The following DST variants were observed in gnomAD, a reference collection of about 807,000 sequenced individuals.
DST encodes dystonin, also known as bullous pemphigoid antigen.
A neutral mutation model predicts 875.2 loss-of-function variants in DST; 253 were observed. The ratio of observed to expected loss-of-function variants is 0.29; its 90% CI spans 0.26 to 0.32. The LOEUF (loss-of-function observed/expected upper bound fraction) is 0.32. Among genes scored for constraint, DST ranks in the 10% least tolerant of loss-of-function variants. DST has a pLI of 1.00. For missense variants in DST, 8,287 were observed against 9,111.6 expected, an observed-to-expected ratio of 0.91 and a Z score of 3.68; for synonymous variants, 3,124 against 3,197.1, an observed-to-expected ratio of 0.98 and a Z score of 0.77.
Position 56,611,609 on chromosome 6 carries a change from G to A in DST, c.5059-13C>T, listed in dbSNP as rs750367329. 1 of 1,560,988 alleles carries A rather than the reference G, an allele frequency of 6.4e-7. No individual in the cohort carries two copies. Reference sequence around the variant, plus strand: ...CCTCACTGGAAATCTGTAAGGTAAAGAAGGCACATTCAAACTCTTCCTCCA... The same window carrying A: ...CCTCACTGGAAATCTGTAAGGTAAAAAAGGCACATTCAAACTCTTCCTCCA... On this transcript the variant is annotated splice_polypyrimidine_tract_variant and intron_variant, in intron 37 of 103. Transcript: ENST00000680361.
intron 4 of DST, among the ~76,000 whole-genome samples, chr6:56,809,486 TATG>T (rs1324075521): frequency 5.2e-5 from 8 of 152,382 alleles, no homozygotes; most frequent in African/African-American, 1.7e-4. Flanking sequence ...ATTGCCATCT[TATG>T]ATGATTATAT....
At chr6:56,729,337 T>A (rs1351645290) in intron 5 of DST, among the ~76,000 whole-genome samples, 3 of 152,202 alleles carry the variant, frequency 2.0e-5, no homozygotes, top group African/African-American at 7.2e-5. Flanking sequence ...ACGCCTGTAA[T>A]CCCAGCAGTT....
intron 7 of DST, among the ~76,000 whole-genome samples, chr6:56,703,086 C>T (rs1194194120): frequency 2.0e-5 from 3 of 152,160 alleles, no homozygotes; most frequent in Non-Finnish European, 2.9e-5. Flanking sequence ...GGAGATTAAA[C>T]AGCTCTGTGA....
intron 36 of DST, chr6:56,615,133 G>A (rs575239641): frequency 9.4e-7 from 1 of 1,064,812 alleles, no homozygotes; most frequent in South Asian, 3.1e-5. Context: ...GGTGCTTCAT[G>A]ACGTGCTCTT....
intron 4 of DST, among the ~76,000 whole-genome samples, chr6:56,786,725 G>A (rs370004386): frequency 3.3e-5 from 5 of 152,164 alleles, no homozygotes; most frequent in African/African-American, 1.2e-4. Flanking sequence ...AAGAAACAAG[G>A]TTTCACATGT....
chr6:56,584,461 T>C (rs944453906), intron 49 of DST, among the ~76,000 whole-genome samples: 3 of 151,166 alleles, frequency 2.0e-5, no homozygotes, highest in Admixed American at 1.3e-4. Flanking sequence ...GAGACTTTGC[T>C]GAAGTTGCCT....
intron 36 of DST, chr6:56,619,971 C>A: frequency 6.2e-7 from 1 of 1,614,056 alleles, no homozygotes; most frequent in Non-Finnish European, 8.5e-7. Flanking sequence ...TTGTCATGTT[C>A]TTGCTGGAGA....
At chr6:56,862,904 T>C (rs1772004610) in intron 3 of DST, among the ~76,000 whole-genome samples, 1 of 152,102 alleles carries the variant, frequency 6.6e-6, no homozygotes, top group Non-Finnish European at 1.5e-5. Context: ...AGACAGAGAA[T>C]AGCAGTAGGA....
In DST at chr6:56,606,190, T is replaced by C; in HGVS notation, c.8438A>G (p.Asp2813Gly). Residue 2813 changes from aspartate to glycine, a missense_variant, in exon 40 of 104, where the codon GAT becomes GGT. Asp to Gly is a moderately conservative substitution (Grantham distance 94). Transcript: ENST00000680361. ...DQDDDDDDGI[D>G]EEGGGIRDEN... The stretch of plus-strand genomic sequence containing the variant: ...ATCTCTTATACCTCCTCCTTCTTCA[T>C]CAATGCCATCATCATCATCGTCATC... 6.3e-7 allele frequency: 1 copy of C among 1,584,548 alleles called. No individual in the cohort carries two copies. The highest frequency in any genetic ancestry group is 1.1e-5 in the South Asian group (1 of 88,540).
At chr6:56,686,605 C>A (rs1385856154) in intron 9 of DST, among the ~76,000 whole-genome samples, 1 of 152,090 alleles carries the variant, frequency 6.6e-6, no homozygotes, top group East Asian at 1.9e-4. Flanking sequence ...ACAGTCAGCA[C>A]ACTGTATGAC....
At chr6:56,497,631 T>C (rs2095964882) in intron 81 of DST, 124 bp from the exon 82 acceptor site, 1 of 1,250,850 alleles carries the variant, frequency 8.0e-7, no homozygotes, top group Non-Finnish European at 1.1e-6. Context: ...CCAGGTACCA[T>C]TAGATTTGCC....
At chr6:56,794,495 A>C (rs2153010717) in intron 4 of DST, among the ~76,000 whole-genome samples, 1 of 152,324 alleles carries the variant, frequency 6.6e-6, no homozygotes, top group Admixed American at 6.5e-5. Context: ...CAGAGAGGTG[A>C]CCACTAAGCC....
At chr6:56,516,171 GAGAA>G (rs148522481) in intron 71 of DST, among the ~76,000 whole-genome samples, 38,600 of 135,536 alleles carry the variant, frequency 0.28, 6,529 homozygotes, top group East Asian at 0.52. Context: ...GAAAGAGAAA[GAGAA>G]AGAAAGAGAA....
chr6:56,699,167 A>C (rs1029504204), intron 9 of DST, among the ~76,000 whole-genome samples: 5 of 152,208 alleles, frequency 3.3e-5, no homozygotes, highest in Non-Finnish European at 7.3e-5. Context: ...ATTTTCCTCA[A>C]ATCTAAAGAG....
chr6:56,614,677 C>T (rs1294570314), intron 36 of DST, 193 bp from the exon 37 acceptor site: 1 of 1,213,632 alleles, frequency 8.2e-7, no homozygotes, highest in Non-Finnish European at 1.0e-6. Context: ...TTTATGGTAG[C>T]AAAGAAAGCT....
intron 4 of DST, among the ~76,000 whole-genome samples, chr6:56,751,025 G>A (rs1246399824): frequency 6.6e-6 from 1 of 152,084 alleles, no homozygotes; most frequent in Non-Finnish European, 1.5e-5. Context: ...TAAGTAATTT[G>A]TTCAAGGCCC....
chr6:56,940,292 T>TA (rs1053188221), intron 2 of DST, among the ~76,000 whole-genome samples: 1 of 151,706 alleles, frequency 6.6e-6, no homozygotes, highest in East Asian at 1.9e-4. Context: ...TGGATATATA[T>TA]AAAAATATGT....
chr6:56,717,271 C>T (rs2099398872), intron 5 of DST, among the ~76,000 whole-genome samples: 1 of 152,150 alleles, frequency 6.6e-6, no homozygotes, highest in Admixed American at 6.5e-5. Context: ...ATAGGGTTCA[C>T]ACTCTTATGA....
In DST at chr6:56,589,737, G is replaced by A. The variant is rs191854746; in HGVS notation, c.12903+2445C>T. On this transcript the variant is annotated intron_variant, in intron 49 of 103. Transcript: ENST00000680361. ...TTTATCCACTAATTTCCCTGGAAGG[G>A]GATCTTGAGGAGTGTTATTATGGCC... Among the ~76,000 whole-genome samples the A allele has an allele frequency of 2.6e-5, 4 of 152,262 alleles. No homozygotes were observed. The East Asian group carries it at 7.7e-4, about 29-fold the overall frequency.
Sources: allele counts gnomAD v4.1 joint callset (sites outside exome capture counted in the v4.1 genomes callset), GRCh38; gene constraint gnomAD v4.1.1; transcripts MANE v1.5; gene names NCBI Gene and HGNC (gene_info 2026-07-23, HGNC 2026-07-21).